The following CDH16 variants were observed in gnomAD, a reference collection of about 807,000 sequenced individuals.
The protein encoded by CDH16 is cadherin 16, also known as cadherin-16.
A neutral mutation model predicts 87.6 loss-of-function variants in CDH16; 79 were observed. That is an observed-to-expected ratio of 0.90 (90% CI 0.75 to 1.09). The LOEUF is 1.09. Ranked by LOEUF, CDH16 falls within the 50% of genes least tolerant of loss-of-function variation. CDH16 has a pLI of 0.00. For synonymous variants in CDH16, 457 were observed against 439.5 expected, an observed-to-expected ratio of 1.04 and a Z score of -0.50; for missense variants, 1,124 against 1,071.7, an observed-to-expected ratio of 1.05 and a Z score of -0.68.
intron 7 of CDH16, 117 bp downstream of exon 7, chr16:66,914,099 T>G: frequency 2.4e-6 from 2 of 837,878 alleles, no homozygotes; most frequent in African/African-American, 1.7e-5. Flanking sequence ...ATGGGAAGAG[T>G]GGAGGGAGGA....
intron 3 of CDH16, among the ~76,000 whole-genome samples, chr16:66,917,315 G>A (rs1247459819): frequency 2.6e-5 from 4 of 151,744 alleles, no homozygotes; most frequent in Non-Finnish European, 5.9e-5. Flanking sequence ...AAAAAAAAAT[G>A]TATAACGTTA....
chr16:66,908,976 C>A (rs1962282689), intron 17 of CDH16, among the ~76,000 whole-genome samples: 1 of 152,166 alleles, frequency 6.6e-6, no homozygotes, highest in African/African-American at 2.4e-5. Flanking sequence ...GCCTCAATGA[C>A]CTCATCTGCA....
In CDH16 at chr16:66,910,351, G is replaced by C; in HGVS notation, c.2076C>G (p.Asp692Glu). The change falls in exon 15 of 18, where the codon GAC (aspartate) becomes GAG (glutamate). Residue 692 changes from aspartate (D) to glutamate (E), a missense_variant. Asp to Glu is a conservative substitution (Grantham distance 45, BLOSUM62 2). Transcript: ENST00000299752. ...GACCGTGCCCACTGGCCAGATCGGG[G>C]TCCTTGCTGGGTCCACTCACGATCA... is the stretch of plus-strand genomic sequence containing the variant. Reference protein sequence around the residue: ...HGLIVSGPSKDPDLASGHGPY... With the variant: ...HGLIVSGPSKEPDLASGHGPY... The C allele has an allele frequency of 1.2e-6, 2 of 1,613,902 alleles. No individual in the cohort carries two copies. Among genetic ancestry groups the C allele is most frequent in the South Asian group, 2.2e-5 (2 of 91,022 alleles).
chr16:66,915,850 C>T (rs1962654318), intron 5 of CDH16, among the ~76,000 whole-genome samples: 1 of 152,094 alleles, frequency 6.6e-6, no homozygotes, highest in South Asian at 2.1e-4. Flanking sequence ...GAGCTGAGAT[C>T]GCGCCATTGC....
chr16:66,911,137 G>A, intron 14 of CDH16, 45 bp downstream of exon 14: 1 of 1,574,084 alleles, frequency 6.4e-7, no homozygotes. Context: ...GTCTGTCTGA[G>A]GTTTGTACCC....
chr16:66,913,212 G>A lies in CDH16; in HGVS notation c.973C>T (p.Leu325=). ...ACGTTGTCATTCTCATCCATCACCA[G>A]CACGTGCAGCTCCAGAGGGGCCGCA... ...DYAAPLELHV[L]VMDENDNVPI... The change falls in exon 9 of 18, where the codon CTG becomes TTG. Residue 325 remains leucine (L), a synonymous_variant. Coordinates refer to ENST00000299752, the MANE Select transcript of CDH16 (RefSeq NM_004062.4). 6.3e-7 allele frequency: 1 copy of A among 1,597,496 alleles called. No individual in the cohort carries two copies. The highest frequency in any genetic ancestry group is 8.5e-7 in the Non-Finnish European group (1 of 1,172,186).
intron 14 of CDH16, 95 bp from the exon 15 acceptor site, chr16:66,910,597 C>T (rs1962369675): frequency 1.6e-6 from 2 of 1,283,152 alleles, no homozygotes; most frequent in Middle Eastern, 2.9e-4. Flanking sequence ...TGAGCCTCGC[C>T]TTATAGACTC....
intron 17 of CDH16, among the ~76,000 whole-genome samples, chr16:66,908,757 G>A (rs1349427235): frequency 6.6e-6 from 1 of 152,168 alleles, no homozygotes; most frequent in East Asian, 1.9e-4. Context: ...CAGTAAGTTG[G>A]ATCCCAACTC....
At chr16:66,910,797 C>G (rs1215220164) in intron 14 of CDH16, 4 of 387,136 alleles carry the variant, frequency 1.0e-5, no homozygotes, top group African/African-American at 8.2e-5. Flanking sequence ...TGTTCAGTGT[C>G]CTCCACACCT....
At chr16:66,915,934 GA>G in intron 5 of CDH16, 130 bp downstream of exon 5, 2 of 1,060,496 alleles carry the variant, frequency 1.9e-6, no homozygotes. Context: ...AAAGAGAAAA[GA>G]AAAGAAAAAA....
At position 66,916,467 on chromosome 16, in the gene CDH16, A is replaced by T; in HGVS notation, c.130-38T>A. 2 of 1,532,626 alleles carry T rather than the reference A, an allele frequency of 1.3e-6. No homozygotes were observed. Among genetic ancestry groups the T allele is most frequent in the Non-Finnish European group, 1.8e-6 (2 of 1,139,798 alleles). The allele number at this position is 1,532,626 out of a possible 1,614,324, so 94.9% of individuals were successfully genotyped here. On this transcript the variant is annotated intron_variant, in intron 3 of 17. Coordinates refer to ENST00000299752, the MANE Select transcript of CDH16 (RefSeq NM_004062.4). The surrounding 1 kb of genome is among the most constrained non-coding windows in gnomAD (Gnocchi z 4.1). The stretch of plus-strand genomic sequence containing the variant: ...AACAGAAGTGAAGGGAGCGGTGGCC[A>T]GGCCTGGGAGATGCCCCTCCTCCAC...
chr16:66,913,020 G>A, intron 9 of CDH16, 111 bp downstream of exon 9: 1 of 1,286,722 alleles, frequency 7.8e-7, no homozygotes, highest in Non-Finnish European at 1.1e-6. Flanking sequence ...GTGTGTGTGT[G>A]TGTTATGGAG....
chr16:66,914,432 C>A lies in CDH16; in HGVS notation c.584-20G>T. On this transcript the variant is annotated intron_variant, in intron 6 of 17. Coordinates refer to ENST00000299752, the MANE Select transcript of CDH16 (RefSeq NM_004062.4). The stretch of plus-strand genomic sequence containing the variant: ...TGCTCCCTAGAACAGGGAGGATGGT[C>A]AGCTGAGCAGGCAGCCAGGGAGCAG... 6.3e-7 allele frequency: 1 copy of A among 1,596,030 alleles called. No homozygotes were observed. Among genetic ancestry groups the A allele is most frequent in the South Asian group, 1.1e-5 (1 of 90,230 alleles).
rs764942295 is a variant in CDH16 at position 66,908,345 on chromosome 16, C to T, written c.*47G>A. On this transcript the variant is annotated 3_prime_UTR_variant, in exon 18 of 18. Transcript: ENST00000299752. Reference sequence around the variant, plus strand: ...GTGCTGGGCTCTCTCCCAGGGGACTCAGATGGAGCCAGAGGCCAAGCTCCC... The same window carrying T: ...GTGCTGGGCTCTCTCCCAGGGGACTTAGATGGAGCCAGAGGCCAAGCTCCC... 4 of 1,492,776 alleles carry T rather than the reference C, an allele frequency of 2.7e-6. No homozygotes were observed. The African/African-American group carries it at 5.5e-5, about 21-fold the overall frequency. The allele number at this position is 1,492,776 out of a possible 1,614,324, so 92.5% of individuals were successfully genotyped here.
rs761759994 is a variant in CDH16 at position 66,909,295 on chromosome 16, G to A, written c.2364C>T (p.Gly788=). 6 of 1,613,000 alleles carry A rather than the reference G, an allele frequency of 3.7e-6. No homozygotes were observed. The highest frequency in any genetic ancestry group is 5.1e-6 in the Non-Finnish European group (6 of 1,179,246). ...TTGCTACCAGGGTGCCTACAAGGAT[G>A]CCCACTGCCGACAGCTTCGTGGGCA... ...KGMPTKLSAV[G]ILVGTLVAIG... is the part of the protein sequence containing the mutation. The change falls in exon 17 of 18, where the codon GGC becomes GGT. Residue 788 remains glycine, a synonymous_variant. Coordinates refer to ENST00000299752, the MANE Select transcript of CDH16 (RefSeq NM_004062.4). This position sits in a 1 kb window ranked among gnomAD's most constrained non-coding sequence, Gnocchi z 4.1.
rs764110899 is a variant in CDH16, at chr16:66,914,360, C to A, written c.636G>T (p.Gln212His). 1.2e-6 allele frequency: 2 copies of A among 1,614,072 alleles called. No individual in the cohort carries two copies. Among genetic ancestry groups the A allele is most frequent in the African/African-American group, 2.7e-5 (2 of 74,916 alleles). The change falls in exon 7 of 18, where the codon CAG becomes CAT. Residue 212 changes from glutamine (Q) to histidine (H), a missense_variant. Transcript: ENST00000299752. Reference sequence around the variant, plus strand: ...AGGCCTGGTCACCCATGTCCTTGACCTGTACCAACAGCTGGTAGGTCCTCT... The same window carrying A: ...AGGCCTGGTCACCCATGTCCTTGACATGTACCAACAGCTGGTAGGTCCTCT... ...ALERTYQLLV[Q>H]VKDMGDQASG... is the part of the protein sequence containing the mutation.
In CDH16 at chr16:66,912,352, C is replaced by G; in HGVS notation, c.1438G>C (p.Glu480Gln). 2.5e-6 allele frequency: 4 copies of G among 1,614,118 alleles called. No homozygotes were observed. The highest frequency in any genetic ancestry group is 1.7e-6 in the Non-Finnish European group (2 of 1,180,028). Residue 480 changes from glutamate to glutamine, a missense_variant, in exon 12 of 18, where the codon GAG becomes CAG. Coordinates refer to ENST00000299752, the MANE Select transcript of CDH16 (RefSeq NM_004062.4). ...AMLTAIDADL[E>Q]PAFRLMDFAI... ...AAATCCATGAGGCGGAAGGCGGGCTCGAGGTCAGCATCAATGGCTGTTAGC... is the reference window on the plus strand; with the variant it reads ...AAATCCATGAGGCGGAAGGCGGGCTGGAGGTCAGCATCAATGGCTGTTAGC...
At position 66,914,427 on chromosome 16, in the gene CDH16, A is replaced by T. The variant is rs1962586588; in HGVS notation, c.584-15T>A. 1.2e-6 allele frequency: 2 copies of T among 1,603,508 alleles called. No homozygotes were observed. The highest frequency in any genetic ancestry group is 2.7e-5 in the African/African-American group (2 of 74,702). On this transcript the variant is annotated splice_polypyrimidine_tract_variant and intron_variant, in intron 6 of 17. Transcript: ENST00000299752. ...GCTGGTGCTCCCTAGAACAGGGAGG[A>T]TGGTCAGCTGAGCAGGCAGCCAGGG...
At chr16:66,915,195 C>G (rs772477052) in intron 6 of CDH16, 25 bp downstream of exon 6, 6 of 1,584,960 alleles carry the variant, frequency 3.8e-6, no homozygotes, top group Non-Finnish European at 5.1e-6. Context: ...ACCCTCCCTC[C>G]CCAGCACACC....
Sources: allele counts gnomAD v4.1 joint callset (sites outside exome capture counted in the v4.1 genomes callset), GRCh38; gene constraint gnomAD v4.1.1; non-coding constraint Gnocchi (gnomAD v3.1); transcripts MANE v1.5; gene names NCBI Gene and HGNC (gene_info 2026-07-23, HGNC 2026-07-21).